The following RIMBP2 variants were observed in gnomAD, a reference collection of about 807,000 sequenced individuals.
The protein encoded by RIMBP2 is RIMS binding protein 2.
A neutral mutation model predicts 118.6 loss-of-function variants in RIMBP2; 48 were observed. The ratio of observed to expected loss-of-function variants is 0.40; its 90% CI spans 0.32 to 0.51. The LOEUF (loss-of-function observed/expected upper bound fraction) is 0.51. Ranked by LOEUF, RIMBP2 falls within the 20% of genes least tolerant of loss-of-function variation. The pLI, the probability that RIMBP2 is intolerant of heterozygous loss-of-function variation, is 0.41. For missense variants in RIMBP2, 1,551 were observed against 1,768.3 expected (o/e 0.88, Z 2.20); for synonymous variants, 762 against 742.9 (o/e 1.03, Z -0.42).
rs776073811 is a variant in RIMBP2, at chr12:130,438,381, T to C, written c.1640A>G (p.Tyr547Cys). ...AAAACTCACCCTCTGCCCTTTGGCA[T>C]ACACGCCGTAGCCGGTAACGTTTGC... Reference protein sequence around the residue: ...NGANVTGYGVYAKGQRVAEVI... With the variant: ...NGANVTGYGVCAKGQRVAEVI... Residue 547 changes from tyrosine to cysteine, a missense_variant, in exon 12 of 23, where the codon TAT (tyrosine) becomes TGT (cysteine). By Grantham distance (194) the Tyr-to-Cys change is radical (BLOSUM62 -2). Coordinates refer to ENST00000690449, the MANE Select transcript of RIMBP2 (RefSeq NM_001393629.1). 1.5e-6 allele frequency: 2 copies of C among 1,339,462 alleles called. No homozygotes were observed. The highest frequency in any genetic ancestry group is 1.9e-5 in the Admixed American group (1 of 51,926). 83.0% of individuals were successfully genotyped at this position (1,339,462 alleles called of 1,614,324 possible).
intron 17 of RIMBP2, among the ~76,000 whole-genome samples, chr12:130,415,832 A>C (rs561709345): frequency 6.6e-6 from 1 of 152,354 alleles, no homozygotes; most frequent in African/African-American, 2.4e-5. Context: ...AGGCTCCTAA[A>C]CCAATAGACA....
intron 3 of RIMBP2, among the ~76,000 whole-genome samples, chr12:130,507,613 A>G (rs761079784): frequency 1.3e-5 from 2 of 152,214 alleles, no homozygotes; most frequent in Non-Finnish European, 2.9e-5. Flanking sequence ...CCCAGGGCCA[A>G]GCTACAAGCT....
At chr12:130,559,316 A>G (rs948941468) in intron 2 of RIMBP2, among the ~76,000 whole-genome samples, 1 of 151,300 alleles carries the variant, frequency 6.6e-6, no homozygotes, top group Non-Finnish European at 1.5e-5. Flanking sequence ...CCCACCCCCT[A>G]CCCCATGCCC....
chr12:130,518,775 G>C (rs1215864648), intron 2 of RIMBP2, among the ~76,000 whole-genome samples: 1 of 152,196 alleles, frequency 6.6e-6, no homozygotes, highest in African/African-American at 2.4e-5. Context: ...TGAGCACAGA[G>C]ATGGGATTAA....
Position 130,434,717 on chromosome 12 carries a change from G to C in RIMBP2, c.2253+17C>G, listed in dbSNP as rs1237696145. 1 of 1,608,748 alleles carries C rather than the reference G, an allele frequency of 6.2e-7. No homozygotes were observed. Among genetic ancestry groups the C allele is most frequent in the Non-Finnish European group, 8.5e-7 (1 of 1,178,724 alleles). On this transcript the variant is annotated intron_variant, in intron 14 of 22. Coordinates refer to ENST00000690449, the MANE Select transcript of RIMBP2 (RefSeq NM_001393629.1). The surrounding 1 kb of genome is among the most constrained non-coding windows in gnomAD (Gnocchi z 5.7). ...GCGCCCACCAGGAGGATGGTGTGGG[G>C]CCCGGCCCGCTCTCACCTGCTTGCC...
intron 2 of RIMBP2, among the ~76,000 whole-genome samples, chr12:130,556,694 G>A (rs931237195): frequency 3.9e-5 from 6 of 152,126 alleles, no homozygotes; most frequent in Admixed American, 1.3e-4. Context: ...CCACCTTCTC[G>A]CCTGCTACCC....
At chr12:130,603,888 G>A (rs1225517635) in intron 2 of RIMBP2, among the ~76,000 whole-genome samples, 1 of 152,080 alleles carries the variant, frequency 6.6e-6, no homozygotes, top group Non-Finnish European at 1.5e-5. Context: ...CACTCGCTTA[G>A]ATATCTCACT....
chr12:130,575,831 T>A (rs1212496367), intron 2 of RIMBP2, among the ~76,000 whole-genome samples: 1 of 152,200 alleles, frequency 6.6e-6, no homozygotes, highest in Non-Finnish European at 1.5e-5. Flanking sequence ...TCTGTTGAAG[T>A]CATCTGGTAA....
At chr12:130,672,789 T>G (rs2064261289) in intron 1 of RIMBP2, among the ~76,000 whole-genome samples, 1 of 152,196 alleles carries the variant, frequency 6.6e-6, no homozygotes, top group African/African-American at 2.4e-5. Flanking sequence ...TCAAGACAAC[T>G]GTCAGAAATT....
At position 130,551,423 on chromosome 12, in the gene RIMBP2, C is replaced by T. The variant is rs527605854; in HGVS notation, c.-216-33506G>A. ...TGTCTTATCTGTGTTCATGGGTACA[C>T]GGCCATAGGCACTCAGATGTTGCAT... On this transcript the variant is annotated intron_variant, in intron 2 of 22. Transcript: ENST00000690449. Among the ~76,000 whole-genome samples, 77 of 152,212 alleles carry T rather than the reference C, an allele frequency of 5.1e-4. 2 individuals are homozygous for T. In the South Asian group the frequency reaches 8.9e-3, roughly 18 times the overall value.
chr12:130,440,905 A>G (rs989461291), intron 11 of RIMBP2, among the ~76,000 whole-genome samples: 1 of 152,106 alleles, frequency 6.6e-6, no homozygotes, highest in African/African-American at 2.4e-5. Flanking sequence ...CTGGCTGCCC[A>G]GTAACTCAGC....
intron 1 of RIMBP2, among the ~76,000 whole-genome samples, chr12:130,672,988 C>T (rs966335039): frequency 6.6e-6 from 1 of 152,166 alleles, no homozygotes; most frequent in African/African-American, 2.4e-5. Context: ...CTCAGGGATT[C>T]GTGCTGCTCC....
chr12:130,676,029 C>T (rs1594187859), intron 1 of RIMBP2, among the ~76,000 whole-genome samples: 1 of 152,364 alleles, frequency 6.6e-6, no homozygotes, highest in Non-Finnish European at 1.5e-5. Flanking sequence ...ACTGCCACCG[C>T]GTGAGGACAC....
intron 21 of RIMBP2, among the ~76,000 whole-genome samples, chr12:130,400,228 T>C (rs1043210526): frequency 2.6e-5 from 4 of 152,184 alleles, no homozygotes; most frequent in Non-Finnish European, 5.9e-5. Flanking sequence ...CTTCAGACGG[T>C]GGGGACCTGG....
At chr12:130,444,646 C>T (rs2078383861) in intron 10 of RIMBP2, among the ~76,000 whole-genome samples, 1 of 152,142 alleles carries the variant, frequency 6.6e-6, no homozygotes, top group South Asian at 2.1e-4. Context: ...GAGAGGAGAC[C>T]TCGAGGGAAT....
chr12:130,492,095 G>C (rs554515855), intron 4 of RIMBP2, among the ~76,000 whole-genome samples: 8 of 152,302 alleles, frequency 5.3e-5, no homozygotes, highest in African/African-American at 1.9e-4. Context: ...CCAAATAGGA[G>C]CTAACGGTGA....
Position 130,424,317 on chromosome 12 carries a change from C to CT in RIMBP2, c.2953dup (p.Arg985LysfsTer42). On this transcript the variant is annotated frameshift_variant, in exon 16 of 23. Coordinates refer to ENST00000690449, the MANE Select transcript of RIMBP2 (RefSeq NM_001393629.1). LOFTEE classifies it high-confidence loss of function. This position sits in a 1 kb window ranked among gnomAD's most constrained non-coding sequence, Gnocchi z 9.8. ...CGGGCCGGGCTGGGGGTCGTCGTTC[C>CT]TGAGGAGGCCACCAGGGCCCACCTG... The CT allele has an allele frequency of 8.1e-7, 1 of 1,231,852 alleles. No individual in the cohort carries two copies. The allele number at this position is 1,231,852 out of a possible 1,614,324, so 76.3% of individuals were successfully genotyped here.
chr12:130,664,446 C>CACACAT (rs71088776), intron 1 of RIMBP2, among the ~76,000 whole-genome samples: 1 of 73,238 alleles, frequency 1.4e-5, no homozygotes, highest in Non-Finnish European at 3.5e-5. Context: ...CACGCACACA[C>CACACAT]GCACACACAT....
chr12:130,400,969 TG>T (rs2074484264), intron 21 of RIMBP2, among the ~76,000 whole-genome samples: 1 of 152,092 alleles, frequency 6.6e-6, no homozygotes, highest in Admixed American at 6.6e-5. Context: ...GCACTTTTGG[TG>T]GGAAGGTGAG....
Sources: gnomAD v4.1 joint callset for allele counts (sites outside exome capture counted in the v4.1 genomes callset) on GRCh38, gnomAD v4.1.1 for gene constraint, Gnocchi (gnomAD v3.1) non-coding constraint, MANE v1.5 for transcripts, NCBI Gene and HGNC (gene_info 2026-07-23, HGNC 2026-07-21) for gene names.